Variants in ADARB1 observed in about 807,000 individuals in gnomAD.
ADARB1 encodes adenosine deaminase RNA specific B1, also known as double-stranded RNA-specific editase 1.
Under a neutral mutation model 52.4 loss-of-function variants are expected in ADARB1, and 10 were observed. The observed-to-expected ratio is 0.19, with a 90% CI of 0.12 to 0.32. The LOEUF (loss-of-function observed/expected upper bound fraction) is 0.32, where lower values mean the gene tolerates loss of function less well. Ranked by LOEUF, ADARB1 falls within the 10% of genes least tolerant of loss-of-function variation. ADARB1 has a pLI of 1.00. For missense variants in ADARB1, 643 were observed against 922.3 expected (o/e 0.70, Z 3.92); for synonymous variants, 349 against 371.1 (o/e 0.94, Z 0.68).
chr21:45,088,995 G>A (rs932478210), intron 1 of ADARB1, among the ~76,000 whole-genome samples: 3 of 152,164 alleles, frequency 2.0e-5, no homozygotes, highest in Admixed American at 2.0e-4. Flanking sequence ...TGGAAACACC[G>A]AGGATTGGTC....
intron 6 of ADARB1, 109 bp downstream of exon 6, chr21:45,182,862 A>T: frequency 4.5e-6 from 5 of 1,117,724 alleles, no homozygotes; most frequent in Non-Finnish European, 4.9e-6. Context: ...AAAATCTCTC[A>T]AAATCATAAC....
chr21:45,208,506 AGACCAT>A lies in ADARB1; in HGVS notation c.1747+3771_1747+3776del, dbSNP rs2146375434. 6.6e-6 allele frequency among the ~76,000 whole-genome samples: 1 copy of A among 152,342 alleles called. No homozygotes were observed. Among genetic ancestry groups the A allele is most frequent in the South Asian group, 2.1e-4 (1 of 4,830 alleles). ...TGCCTGCTGAGCTGCTATCCACCCGAGACCATTTGACATTATGGGCAGGAAGAGCAA... is the reference window on the plus strand; with the variant it reads ...TGCCTGCTGAGCTGCTATCCACCCGATTGACATTATGGGCAGGAAGAGCAA... On this transcript the variant is annotated intron_variant, in intron 9 of 10. Coordinates refer to ENST00000348831, the MANE Select transcript of ADARB1 (RefSeq NM_001112.4). This position sits in a 1 kb window ranked among gnomAD's most constrained non-coding sequence, Gnocchi z 5.6.
intron 1 of ADARB1, among the ~76,000 whole-genome samples, chr21:45,106,290 GGGTTGT>G (rs776597400): frequency 5.3e-5 from 8 of 151,950 alleles, no homozygotes; most frequent in Non-Finnish European, 7.4e-5. Context: ...TGTTCAGCGT[GGGTTGT>G]GGTTGTGTTT....
intron 1 of ADARB1, among the ~76,000 whole-genome samples, chr21:45,086,775 G>A (rs1166909136): frequency 2.6e-5 from 4 of 152,206 alleles, no homozygotes. Context: ...TTGAACATTA[G>A]CAAGCATGTC....
chr21:45,220,843 C>A lies in ADARB1; in HGVS notation c.1755C>A (p.Ser585Arg). ...CTGTGTCTTCCGTTTCAGGCATCAGCAATGCAGAAGCACGGCAGCCAGGGA... is the reference window on the plus strand; with the variant it reads ...CTGTGTCTTCCGTTTCAGGCATCAGAAATGCAGAAGCACGGCAGCCAGGGA... ...TLNKPLLSGI[S>R]NAEARQPGKA... Residue 585 changes from serine (S) to arginine (R), a missense_variant, in exon 10 of 11, where the codon AGC becomes AGA. Ser to Arg is a moderately radical substitution (Grantham distance 110). This residue lies in a region of ADARB1 where 263 missense variants were observed against 475.8 expected (regional missense o/e 0.55). Transcript: ENST00000348831. This position sits in a 1 kb window ranked among gnomAD's most constrained non-coding sequence, Gnocchi z 6.3. 1 of 1,613,004 alleles carries A rather than the reference C, an allele frequency of 6.2e-7. No homozygotes were observed.
chr21:45,095,007 G>C (rs2086700072), intron 1 of ADARB1, among the ~76,000 whole-genome samples: 3 of 152,200 alleles, frequency 2.0e-5, no homozygotes, highest in Non-Finnish European at 4.4e-5. Flanking sequence ...ATTTCAGTCT[G>C]TTCTGTTCAA....
intron 1 of ADARB1, among the ~76,000 whole-genome samples, chr21:45,097,992 G>A (rs574841142): frequency 5.9e-5 from 9 of 152,198 alleles, no homozygotes; most frequent in African/African-American, 1.2e-4. Flanking sequence ...TACAGTGAAC[G>A]TCACCAACAC....
At chr21:45,170,588 AT>A (rs1045296701) in intron 2 of ADARB1, among the ~76,000 whole-genome samples, 49 of 151,664 alleles carry the variant, frequency 3.2e-4, no homozygotes, top group Admixed American at 9.2e-4. Flanking sequence ...TAAAATATAT[AT>A]TTTTAGATAT....
chr21:45,180,683 A>G (rs923856189), intron 5 of ADARB1, among the ~76,000 whole-genome samples: 35 of 152,178 alleles, frequency 2.3e-4, no homozygotes, highest in African/African-American at 8.0e-4. Context: ...TTAATATTTG[A>G]TTCCTGTCAT....
In ADARB1 at chr21:45,224,016, A is replaced by G. The variant is rs2093012693; in HGVS notation, c.*1819A>G. 1 of 985,432 alleles carries G rather than the reference A, an allele frequency of 1.0e-6. No homozygotes were observed. The highest frequency in any genetic ancestry group is 1.7e-5 in the African/African-American group (1 of 57,326). 61.0% of individuals were successfully genotyped at this position (985,432 alleles called of 1,614,324 possible). Reference sequence around the variant, plus strand: ...CCACAGTGGGGTTTTGTTCAGGCAGATCGCGCTGGGGTTCTGCACCTGCAG... The same window carrying G: ...CCACAGTGGGGTTTTGTTCAGGCAGGTCGCGCTGGGGTTCTGCACCTGCAG... On this transcript the variant is annotated 3_prime_UTR_variant, in exon 11 of 11. Transcript: ENST00000348831.
chr21:45,213,529 T>C (rs2092808535), intron 9 of ADARB1, among the ~76,000 whole-genome samples: 1 of 152,206 alleles, frequency 6.6e-6, no homozygotes, highest in African/African-American at 2.4e-5. Context: ...CAAAATTGTC[T>C]TAGTACTCCT....
chr21:45,176,573 C>T lies in ADARB1; in HGVS notation c.872C>T (p.Ser291Phe). ...KKLAKARAAQ[S>F]ALAAIFNLHL... The stretch of plus-strand genomic sequence containing the variant: ...CTTGCCAAGGCCCGGGCTGCGCAGT[C>T]TGCCCTGGCCGCCATTTTTAACTTG... The change falls in exon 4 of 11, where the codon TCT (serine) becomes TTT (phenylalanine). Residue 291 changes from serine (S) to phenylalanine (F), a missense_variant. Physicochemically the swap from Ser to Phe is radical, Grantham distance 155. Around this residue, in one of 2 missense-constraint regions of ADARB1, gnomAD observed 380 missense variants for 446.5 expected, o/e 0.85. Coordinates refer to ENST00000348831, the MANE Select transcript of ADARB1 (RefSeq NM_001112.4). The surrounding 1 kb of genome is among the most constrained non-coding windows in gnomAD (Gnocchi z 5.8). 2 of 1,614,220 alleles carry T rather than the reference C, an allele frequency of 1.2e-6. No homozygotes were observed. Among genetic ancestry groups the T allele is most frequent in the Non-Finnish European group, 1.7e-6 (2 of 1,180,038 alleles).
chr21:45,188,757 T>C (rs1346539310), intron 8 of ADARB1, among the ~76,000 whole-genome samples: 3 of 152,234 alleles, frequency 2.0e-5, no homozygotes, highest in Non-Finnish European at 1.5e-5. Flanking sequence ...TGCTTGTTTT[T>C]CCCTTATTCT....
chr21:45,110,475 T>A (rs1171040509), intron 1 of ADARB1, among the ~76,000 whole-genome samples: 1 of 152,210 alleles, frequency 6.6e-6, no homozygotes, highest in Non-Finnish European at 1.5e-5. Flanking sequence ...GTGGAGAATT[T>A]GTTTGCCCTT....
At chr21:45,124,957 C>T (rs564116138) in intron 1 of ADARB1, among the ~76,000 whole-genome samples, 29 of 151,946 alleles carry the variant, frequency 1.9e-4, no homozygotes, top group African/African-American at 6.8e-4. Context: ...TGTTACTACG[C>T]CTGGCTAATT....
rs145464997 is a variant in ADARB1 at position 45,216,327 on chromosome 21, ATT to A, written c.1748-4507_1748-4506del. The stretch of plus-strand genomic sequence containing the variant: ...AATAATTTTTACTCTGATTTTAATT[ATT>A]TCTTTTTTTTCCGCTTACCTGGTGT... On this transcript the variant is annotated intron_variant, in intron 9 of 10. Transcript: ENST00000348831. Among the ~76,000 whole-genome samples, 1,322 of 151,530 alleles carry A rather than the reference ATT, an allele frequency of 8.7e-3. 17 individuals carry two copies. Among genetic ancestry groups the A allele is most frequent in the African/African-American group, 0.029 (1,200 of 41,344 alleles).
intron 1 of ADARB1, among the ~76,000 whole-genome samples, chr21:45,090,728 C>G (rs1174782195): frequency 6.6e-6 from 1 of 152,162 alleles, no homozygotes; most frequent in African/African-American, 2.4e-5. Flanking sequence ...CCAGGAGGAC[C>G]CCGGTTCTGA....
At chr21:45,124,444 G>A in intron 1 of ADARB1, among the ~76,000 whole-genome samples, 1 of 151,736 alleles carries the variant, frequency 6.6e-6, no homozygotes, top group Non-Finnish European at 1.5e-5. Flanking sequence ...GTGCAATTTC[G>A]GCTCACTGCA....
chr21:45,186,073 C>G (rs969008034), intron 8 of ADARB1, among the ~76,000 whole-genome samples: 1 of 152,240 alleles, frequency 6.6e-6, no homozygotes, highest in Non-Finnish European at 1.5e-5. Flanking sequence ...CAGTCCACCT[C>G]CACACGTGCA....
Sources: gnomAD v4.1 joint callset for allele counts (sites outside exome capture counted in the v4.1 genomes callset) on GRCh38, gnomAD v4.1.1 for gene constraint, gnomAD v4.1.1 regional missense constraint, Gnocchi (gnomAD v3.1) non-coding constraint, MANE v1.5 for transcripts, NCBI Gene and HGNC (gene_info 2026-07-23, HGNC 2026-07-21) for gene names.